The following MARCHF1 variants were observed in gnomAD, a reference collection of about 807,000 sequenced individuals.
The protein encoded by MARCHF1 is E3 ubiquitin-protein ligase MARCHF1.
MARCHF1 carries 40 observed loss-of-function variants against 54.2 expected under a neutral mutation model. The ratio of observed to expected loss-of-function variants is 0.74; its 90% CI spans 0.57 to 0.96. MARCHF1 has a LOEUF of 0.96. Among genes scored for constraint, MARCHF1 ranks in the 40% least tolerant of loss-of-function variants. The pLI, the probability that MARCHF1 is intolerant of heterozygous loss-of-function variation, is 0.00. For synonymous variants in MARCHF1, 236 were observed against 236.3 expected (o/e 1.00, Z 0.01); for missense variants, 586 against 656.5 (o/e 0.89, Z 1.17).
intron 1 of MARCHF1, among the ~76,000 whole-genome samples, chr4:164,282,347 T>A (rs1406119189): frequency 1.3e-5 from 2 of 150,938 alleles, no homozygotes; most frequent in African/African-American, 4.9e-5. Context: ...CTTTCAACTT[T>A]ATCAACCTAC....
At chr4:164,053,787 G>T (rs1035472436) in intron 2 of MARCHF1, among the ~76,000 whole-genome samples, 2 of 152,152 alleles carry the variant, frequency 1.3e-5, no homozygotes, top group African/African-American at 4.8e-5. Flanking sequence ...GTTTGAAAAA[G>T]TGCAGCAATA....
At chr4:163,884,351 C>A (rs1440695658) in intron 3 of MARCHF1, among the ~76,000 whole-genome samples, 1 of 152,210 alleles carries the variant, frequency 6.6e-6, no homozygotes, top group African/African-American at 2.4e-5. Flanking sequence ...TAAATATGAG[C>A]TGTTTCCTTT....
In MARCHF1 at chr4:163,700,836, T is replaced by TA; in HGVS notation, c.138_139insT (p.Ser47Ter). ...ACTTTTGAAATGTTACTTGATCGACTTGCAGATCGCCCTGGGGATTTTTCA... is the reference window on the plus strand; with the variant it reads ...ACTTTTGAAATGTTACTTGATCGACTATGCAGATCGCCCTGGGGATTTTTCA... On this transcript the variant is annotated frameshift_variant, in exon 5 of 10. Coordinates refer to ENST00000514618, the MANE Select transcript of MARCHF1 (RefSeq NM_001394959.1). LOFTEE classifies it high-confidence loss of function. The TA allele has an allele frequency of 6.5e-7, 1 of 1,536,394 alleles. No individual in the cohort carries two copies. Among genetic ancestry groups the TA allele is most frequent in the Non-Finnish European group, 8.7e-7 (1 of 1,146,392 alleles).
At chr4:164,128,870 C>T (rs114839800) in intron 1 of MARCHF1, among the ~76,000 whole-genome samples, 2,701 of 152,238 alleles carry the variant, frequency 0.018, 26 homozygotes, top group Non-Finnish European at 0.028. Flanking sequence ...CACTGGTCAT[C>T]TCACTCAGAC....
intron 2 of MARCHF1, among the ~76,000 whole-genome samples, chr4:164,054,694 C>T (rs1205905235): frequency 1.5e-4 from 22 of 145,490 alleles, no homozygotes; most frequent in Non-Finnish European, 2.8e-4. Context: ...AACCAAACAC[C>T]GCATATTCTC....
intron 1 of MARCHF1, chr4:164,188,780 G>C: frequency 2.2e-6 from 2 of 911,344 alleles, no homozygotes; most frequent in Non-Finnish European, 3.7e-6. Flanking sequence ...TATTGGAGGT[G>C]GGCAAACAAA....
intron 8 of MARCHF1, among the ~76,000 whole-genome samples, chr4:163,575,972 T>G (rs1251363259): frequency 6.6e-6 from 1 of 152,068 alleles, no homozygotes; most frequent in East Asian, 1.9e-4. Flanking sequence ...TTGACCTTGT[T>G]TTTCTTTTCA....
chr4:163,883,423 G>T (rs1359013877), intron 3 of MARCHF1, among the ~76,000 whole-genome samples: 1 of 147,950 alleles, frequency 6.8e-6, no homozygotes, highest in African/African-American at 2.5e-5. Context: ...GTTCTGAACT[G>T]AATTCTTTAT....
At chr4:163,627,756 A>G (rs1192736554) in intron 5 of MARCHF1, among the ~76,000 whole-genome samples, 30 of 152,182 alleles carry the variant, frequency 2.0e-4, no homozygotes, top group Admixed American at 2.0e-3. Context: ...GTGGGAGAAT[A>G]GAGTGTCTAG....
intron 1 of MARCHF1, among the ~76,000 whole-genome samples, chr4:164,302,283 C>A (rs986173583): frequency 1.3e-5 from 2 of 152,106 alleles, no homozygotes; most frequent in Non-Finnish European, 2.9e-5. Flanking sequence ...TTTTTTATAC[C>A]TGATTCATAA....
intron 1 of MARCHF1, among the ~76,000 whole-genome samples, chr4:164,155,165 G>A (rs2110921714): frequency 6.6e-6 from 1 of 152,236 alleles, no homozygotes; most frequent in African/African-American, 2.4e-5. Flanking sequence ...GCAACTTTTT[G>A]GCTGCGAAAA....
intron 1 of MARCHF1, among the ~76,000 whole-genome samples, chr4:164,364,561 T>G (rs967336716): frequency 6.6e-6 from 1 of 152,056 alleles, no homozygotes; most frequent in Admixed American, 6.6e-5. Context: ...CATATTCAAT[T>G]TGCCACCCCT....
intron 5 of MARCHF1, among the ~76,000 whole-genome samples, chr4:163,671,305 T>C (rs1579180193): frequency 1.3e-5 from 2 of 152,344 alleles, no homozygotes; most frequent in African/African-American, 4.8e-5. Context: ...GTGCAAAGGC[T>C]GAGATGGACT....
intron 2 of MARCHF1, among the ~76,000 whole-genome samples, chr4:164,045,455 T>C (rs1240807215): frequency 6.6e-6 from 1 of 151,772 alleles, no homozygotes; most frequent in East Asian, 1.9e-4. Context: ...GTGGTTGCAG[T>C]GAGCCAAGAT....
At chr4:164,174,315 G>T (rs1194266606) in intron 1 of MARCHF1, among the ~76,000 whole-genome samples, 5 of 152,204 alleles carry the variant, frequency 3.3e-5, no homozygotes, top group African/African-American at 1.2e-4. Flanking sequence ...TAATGGGGTT[G>T]ATTGAAGTGA....
chr4:163,752,206 A>C (rs1245146112), intron 4 of MARCHF1, among the ~76,000 whole-genome samples: 1 of 152,224 alleles, frequency 6.6e-6, no homozygotes, highest in Non-Finnish European at 1.5e-5. Context: ...GCAACACCTA[A>C]ATGCAATAGA....
chr4:163,978,580 G>C (rs1752694719), intron 3 of MARCHF1, among the ~76,000 whole-genome samples: 1 of 152,106 alleles, frequency 6.6e-6, no homozygotes. Flanking sequence ...CAGCTGCAAA[G>C]CATCATAGCC....
At chr4:163,929,958 T>TA (rs1560823767) in intron 3 of MARCHF1, among the ~76,000 whole-genome samples, 1 of 62,794 alleles carries the variant, frequency 1.6e-5, no homozygotes, top group African/African-American at 4.6e-5. Flanking sequence ...ATATATATTA[T>TA]ATATAATATA....
rs369740538 is a variant in MARCHF1 at position 164,367,848 on chromosome 4, T to C, written c.-323+16022A>G. Among the ~76,000 whole-genome samples the C allele has an allele frequency of 2.1e-4, 32 of 152,086 alleles. 2 individuals carry two copies. The East Asian group carries it at 3.9e-3, about 18-fold the overall frequency. ...GCAGGAAGGTGTAAATTAACCTTCT[T>C]AGAGTCTTTTTGCTTCTTTTGTTTA... On this transcript the variant is annotated intron_variant, in intron 1 of 9. Transcript: ENST00000514618.
Sources: gnomAD v4.1 joint callset for allele counts (sites outside exome capture counted in the v4.1 genomes callset) on GRCh38, gnomAD v4.1.1 for gene constraint, MANE v1.5 for transcripts, NCBI Gene and HGNC (gene_info 2026-07-23, HGNC 2026-07-21) for gene names.